TMEM87B: variants seen among roughly 807,000 people sequenced by gnomAD.
TMEM87B encodes transmembrane protein 87B.
Under a neutral mutation model 80.3 loss-of-function variants are expected in TMEM87B, and 83 were observed. That is an observed-to-expected ratio of 1.03 (90% CI 0.87 to 1.24). The LOEUF (loss-of-function observed/expected upper bound fraction) is 1.24. TMEM87B is among the 50% of genes most tolerant of loss of function. The probability of loss-of-function intolerance (pLI) is 0.00; values close to 1 mark genes in which losing one functional copy is unlikely to be tolerated. For synonymous variants in TMEM87B, 219 were observed against 230.5 expected (o/e 0.95, Z 0.45); for missense variants, 625 against 674.4 (o/e 0.93, Z 0.81).
intron 6 of TMEM87B, among the ~76,000 whole-genome samples, chr2:112,077,986 A>G (rs1350492755): frequency 3.9e-5 from 6 of 152,252 alleles, no homozygotes; most frequent in African/African-American, 1.2e-4. Flanking sequence ...TGATTCAGCC[A>G]GTCAGCTGGC....
chr2:112,066,916 T>C lies in TMEM87B; in HGVS notation c.319-20T>C. 1 of 1,551,588 alleles carries C rather than the reference T, an allele frequency of 6.4e-7. No individual in the cohort carries two copies. On this transcript the variant is annotated intron_variant, in intron 3 of 18. Coordinates refer to ENST00000283206, the MANE Select transcript of TMEM87B (RefSeq NM_032824.3). Reference sequence around the variant, plus strand: ...AGAAGTGTGGGAATAAATTATAACATAGAATTTTACCTTATATAGGAGCTG... The same window carrying C: ...AGAAGTGTGGGAATAAATTATAACACAGAATTTTACCTTATATAGGAGCTG...
intron 10 of TMEM87B, among the ~76,000 whole-genome samples, chr2:112,090,141 G>T (rs1164629032): frequency 6.6e-6 from 1 of 152,114 alleles, no homozygotes; most frequent in Non-Finnish European, 1.5e-5. Context: ...AGTCTCATTT[G>T]TTTATTCATT....
chr2:112,062,299 C>T (rs1442038610), intron 2 of TMEM87B, among the ~76,000 whole-genome samples: 8 of 152,200 alleles, frequency 5.3e-5, no homozygotes, highest in Non-Finnish European at 8.8e-5. Flanking sequence ...CTTCTGCTGT[C>T]TCATTCAAGT....
At chr2:112,072,107 C>T (rs1035513828) in intron 4 of TMEM87B, among the ~76,000 whole-genome samples, 1 of 152,112 alleles carries the variant, frequency 6.6e-6, no homozygotes, top group Non-Finnish European at 1.5e-5. Context: ...TGTGTTGAGC[C>T]TACCTTGCAT....
intron 1 of TMEM87B, among the ~76,000 whole-genome samples, chr2:112,056,970 A>G (rs890405858): frequency 2.6e-4 from 39 of 152,252 alleles, no homozygotes; most frequent in African/African-American, 8.2e-4. Context: ...AATCAGTTGC[A>G]TGCATATTGT....
chr2:112,107,126 G>A (rs1022967567), intron 16 of TMEM87B, among the ~76,000 whole-genome samples: 2 of 152,142 alleles, frequency 1.3e-5, no homozygotes, highest in Non-Finnish European at 2.9e-5. Flanking sequence ...GGGAGGCTGA[G>A]GCAGGCAGAT....
Position 112,081,541 on chromosome 2 carries a change from A to G in TMEM87B, c.838+23A>G, listed in dbSNP as rs1159774981. 2.5e-6 allele frequency: 4 copies of G among 1,585,268 alleles called. No individual in the cohort carries two copies. In the African/African-American group the frequency reaches 5.4e-5, roughly 22 times the overall value. ...CAAGTAAGTTTTGACTGTCTCTGTA[A>G]ATATAGTATGATCTAAGAGTTCCCC... On this transcript the variant is annotated intron_variant, in intron 8 of 18. Transcript: ENST00000283206.
chr2:112,092,177 A>C (rs1283808817), intron 11 of TMEM87B, among the ~76,000 whole-genome samples: 2 of 152,224 alleles, frequency 1.3e-5, no homozygotes, highest in Non-Finnish European at 2.9e-5. Context: ...AAATCAGGAA[A>C]GACTTCACAG....
At chr2:112,098,571 A>T (rs769039791) in intron 13 of TMEM87B, 24 bp from the exon 14 acceptor site, 1 of 1,610,472 alleles carries the variant, frequency 6.2e-7, no homozygotes, top group Non-Finnish European at 8.5e-7. Flanking sequence ...TTAACGTTTC[A>T]TGCTTGAATT....
At chr2:112,091,952 A>AT (rs1236117155) in intron 11 of TMEM87B, among the ~76,000 whole-genome samples, 169 bp downstream of exon 11, 4 of 152,268 alleles carry the variant, frequency 2.6e-5, no homozygotes, top group East Asian at 3.9e-4. Flanking sequence ...GAATATCTTT[A>AT]TTTTTTCTAT....
chr2:112,068,736 A>T (rs1249026153), intron 4 of TMEM87B, among the ~76,000 whole-genome samples: 1 of 152,100 alleles, frequency 6.6e-6, no homozygotes, highest in Admixed American at 6.5e-5. Flanking sequence ...GAGCACAACC[A>T]TGTAGACCCT....
In TMEM87B at chr2:112,079,643, G is replaced by A. The variant is rs141672413; in HGVS notation, c.593-1414G>A. Among the ~76,000 whole-genome samples the A allele has an allele frequency of 3.3e-5, 5 of 152,224 alleles. No homozygotes were observed. In the East Asian group the frequency reaches 9.7e-4, roughly 29 times the overall value. On this transcript the variant is annotated intron_variant, in intron 6 of 18. Coordinates refer to ENST00000283206, the MANE Select transcript of TMEM87B (RefSeq NM_032824.3). Reference sequence around the variant, plus strand: ...GGTAAATAGTAAAGTGGGATTACTGGATTATATGGTAATTCTGTTTTTAGT... The same window carrying A: ...GGTAAATAGTAAAGTGGGATTACTGAATTATATGGTAATTCTGTTTTTAGT...
intron 17 of TMEM87B, among the ~76,000 whole-genome samples, chr2:112,108,068 T>G (rs2104505649): frequency 6.6e-6 from 1 of 152,346 alleles, no homozygotes; most frequent in Middle Eastern, 3.4e-3. Context: ...TCTAACCAAC[T>G]CTAGCTTTTT....
At chr2:112,104,909 CTT>C (rs1350567379) in intron 15 of TMEM87B, among the ~76,000 whole-genome samples, 10 of 152,242 alleles carry the variant, frequency 6.6e-5, no homozygotes, top group Admixed American at 3.9e-4. Context: ...TATAACATAA[CTT>C]AATCTCAAAA....
chr2:112,064,507 A>G (rs4632347), intron 3 of TMEM87B, among the ~76,000 whole-genome samples: 72,389 of 152,134 alleles, frequency 0.48, 17,752 homozygotes, highest in Middle Eastern at 0.66. Flanking sequence ...ATAAAGACGC[A>G]TACATACAAA....
chr2:112,103,349 A>T (rs1558849590), intron 15 of TMEM87B, among the ~76,000 whole-genome samples: 1 of 152,234 alleles, frequency 6.6e-6, no homozygotes, highest in African/African-American at 2.4e-5. Flanking sequence ...AACTCTCAGT[A>T]TTAAGCTCTC....
intron 15 of TMEM87B, 42 bp downstream of exon 15, chr2:112,100,737 T>C: frequency 7.7e-7 from 1 of 1,290,538 alleles, no homozygotes. Context: ...TTGTACATAT[T>C]GCAACAGAAA....
rs1339183491 is a variant in TMEM87B, at chr2:112,100,668, G to A, written c.1423G>A (p.Glu475Lys). 6.2e-7 allele frequency: 1 copy of A among 1,609,410 alleles called. No individual in the cohort carries two copies. Among genetic ancestry groups the A allele is most frequent in the South Asian group, 1.1e-5 (1 of 90,546 alleles). The change falls in exon 15 of 19, where the codon GAA (glutamate) becomes AAA (lysine). Residue 475 changes from glutamate (E) to lysine (K), a missense_variant. By Grantham distance (56) the Glu-to-Lys change is moderately conservative. Coordinates refer to ENST00000283206, the MANE Select transcript of TMEM87B (RefSeq NM_032824.3). ...AGATGATTCTGATGATGAAATTGAG[G>A]AATTCATGGTAACTTCTGAAAATTT... is the stretch of plus-strand genomic sequence containing the variant. ...LIDDSDDEIEEFMVTSENLTE... is the reference protein window; with the variant it reads ...LIDDSDDEIEKFMVTSENLTE...
chr2:112,086,120 T>G lies in TMEM87B; in HGVS notation c.938+16T>G, dbSNP rs778135739. ...GCATTGTGAAGTAAGTACTGGCGTG[T>G]GGGAAAAATGCTGGGTCCCAGCCCA... On this transcript the variant is annotated intron_variant, in intron 9 of 18. Coordinates refer to ENST00000283206, the MANE Select transcript of TMEM87B (RefSeq NM_032824.3). The G allele has an allele frequency of 6.2e-7, 1 of 1,603,450 alleles. No homozygotes were observed. The highest frequency in any genetic ancestry group is 1.1e-5 in the South Asian group (1 of 90,286).
Sources: gnomAD v4.1 joint callset for allele counts (sites outside exome capture counted in the v4.1 genomes callset) on GRCh38, gnomAD v4.1.1 for gene constraint, MANE v1.5 for transcripts, NCBI Gene and HGNC (gene_info 2026-07-23, HGNC 2026-07-21) for gene names.